Variants in ERMP1 observed in about 807,000 individuals in gnomAD.
ERMP1 encodes the protein Felix-ina.
In ERMP1, 86 loss-of-function variants were observed where a neutral mutation model predicts 92.0. The observed-to-expected ratio is 0.93, with a 90% CI of 0.79 to 1.12. The LOEUF (loss-of-function observed/expected upper bound fraction) is 1.12, where lower values mean the gene tolerates loss of function less well. Among genes scored for constraint, ERMP1 ranks in the 50% most tolerant of loss-of-function variants. ERMP1 has a pLI of 0.00. For missense variants in ERMP1, 1,342 were observed against 1,116.3 expected, an observed-to-expected ratio of 1.20 and a Z score of -2.88; for synonymous variants, 530 against 412.8, an observed-to-expected ratio of 1.28 and a Z score of -3.44.
At chr9:5,829,551 T>C (rs1386455978) in intron 2 of ERMP1, among the ~76,000 whole-genome samples, 1 of 152,248 alleles carries the variant, frequency 6.6e-6, no homozygotes, top group East Asian at 1.9e-4. Flanking sequence ...TTTACTTATT[T>C]TTAATCCTCC....
intron 6 of ERMP1, among the ~76,000 whole-genome samples, chr9:5,852,754 C>T (rs547250321): frequency 6.6e-6 from 1 of 151,658 alleles, no homozygotes; most frequent in African/African-American, 2.4e-5. Flanking sequence ...TAATAAGCTG[C>T]CTCAAACATG....
At chr9:5,821,191 A>G (rs1247699076) in intron 4 of ERMP1, among the ~76,000 whole-genome samples, 6 of 152,256 alleles carry the variant, frequency 3.9e-5, no homozygotes, top group African/African-American at 1.4e-4. Flanking sequence ...AAGTGATCAT[A>G]TACATTGCAA....
intron 10 of ERMP1, among the ~76,000 whole-genome samples, chr9:5,801,602 A>C (rs749852814): frequency 7.2e-5 from 11 of 152,214 alleles, no homozygotes; most frequent in Admixed American, 1.3e-4. Context: ...GGAAAAAGGA[A>C]ACTCAGGACT....
At position 5,832,834 on chromosome 9, in the gene ERMP1, C is replaced by T. The variant is rs1299114366; in HGVS notation, c.194G>A (p.Gly65Glu). 1.3e-6 allele frequency: 2 copies of T among 1,502,036 alleles called. No homozygotes were observed. The highest frequency in any genetic ancestry group is 1.4e-5 in the African/African-American group (1 of 68,984). 93.0% of individuals were successfully genotyped at this position (1,502,036 alleles called of 1,614,324 possible). A position where few individuals can be genotyped will look rare whatever the true frequency, so the allele number is the denominator to read the frequency against. The change falls in exon 1 of 15, where the codon GGG becomes GAG. Residue 65 changes from glycine (G) to glutamate (E), a missense_variant. By Grantham distance (98) the Gly-to-Glu change is moderately conservative. Transcript: ENST00000339450. Reference protein sequence around the residue: ...GGSGGASRGAGTGLSEVRAAL... With the variant: ...GGSGGASRGAETGLSEVRAAL... Reference sequence around the variant, plus strand: ...GGCGCGCACCTCAGACAGCCCGGTCCCCGCGCCCCTGCTCGCGCCGCCGCT... The same window carrying T: ...GGCGCGCACCTCAGACAGCCCGGTCTCCGCGCCCCTGCTCGCGCCGCCGCT...
intron 11 of ERMP1, among the ~76,000 whole-genome samples, chr9:5,799,320 C>T (rs935811142): frequency 3.1e-4 from 47 of 152,130 alleles, no homozygotes; most frequent in African/African-American, 1.0e-3. Context: ...AAAACAAATA[C>T]ATCCTAAGCA....
intron 5 of ERMP1, 65 bp from the exon 6 acceptor site, chr9:5,812,282 A>G (rs1318873352): frequency 2.2e-6 from 2 of 908,396 alleles, no homozygotes; most frequent in Non-Finnish European, 3.4e-6. Flanking sequence ...CTTTCGACCT[A>G]TTTCTTTAAT....
intron 10 of ERMP1, among the ~76,000 whole-genome samples, chr9:5,804,188 G>T (rs1324224942): frequency 6.6e-6 from 1 of 152,022 alleles, no homozygotes; most frequent in Non-Finnish European, 1.5e-5. Context: ...CAAATTTCAA[G>T]GTGCACCTCT....
chr9:5,804,663 T>A (rs1299702725), intron 10 of ERMP1, among the ~76,000 whole-genome samples: 2 of 152,172 alleles, frequency 1.3e-5, no homozygotes, highest in Admixed American at 1.3e-4. Context: ...AACATGTGCC[T>A]CTAATTAGTA....
rs555642028 is a variant in ERMP1, at chr9:5,858,190, G to A, written n.3199+1278C>T. On this transcript the variant is annotated intron_variant and non_coding_transcript_variant, in intron 6 of 6. Transcript: ENST00000690753. ...AAGAGCTTTCTGGAGGCAAGAAAGA[G>A]TATGGTTTGAAGGGCTCTGAGTCAG... Among the ~76,000 whole-genome samples the A allele has an allele frequency of 4.6e-5, 7 of 152,336 alleles. No homozygotes were observed. In the South Asian group the frequency reaches 1.5e-3, roughly 32 times the overall value.
intron 2 of ERMP1, 108 bp downstream of exon 2, chr9:5,830,619 G>C: frequency 1.3e-6 from 1 of 754,624 alleles, no homozygotes; most frequent in Non-Finnish European, 2.1e-6. Flanking sequence ...AAAGAAAAAA[G>C]GTTTGCCCAA....
intron 8 of ERMP1, among the ~76,000 whole-genome samples, chr9:5,808,254 G>A (rs1030364174): frequency 2.6e-5 from 4 of 152,208 alleles, no homozygotes; most frequent in African/African-American, 9.6e-5. Context: ...ACTGAAATTA[G>A]TAAAAGTACA....
chr9:5,812,043 G>T, intron 6 of ERMP1, 82 bp downstream of exon 6: 2 of 872,240 alleles, frequency 2.3e-6, no homozygotes, highest in Non-Finnish European at 3.7e-6. Flanking sequence ...TAATGCACAG[G>T]CCACAGAATA....
rs1456197084 is a variant in ERMP1, at chr9:5,830,726, C to A, written c.640+1G>T. ...CAAATGACTAAAAAACAGGTACATA[C>A]CTGGTGAGTTTGCTACTGAGTCAAA... is the stretch of plus-strand genomic sequence containing the variant. On this transcript the variant is annotated splice_donor_variant, in intron 2 of 14. Transcript: ENST00000339450. LOFTEE classifies it high-confidence loss of function. The A allele has an allele frequency of 6.2e-7, 1 of 1,608,962 alleles. No individual in the cohort carries two copies. The highest frequency in any genetic ancestry group is 1.3e-5 in the African/African-American group (1 of 74,624).
At chr9:5,857,194 G>A (rs1830386326) in intron 6 of ERMP1, among the ~76,000 whole-genome samples, 4 of 151,968 alleles carry the variant, frequency 2.6e-5, no homozygotes, top group Admixed American at 2.6e-4. Flanking sequence ...GCTAATTTTT[G>A]TATTTTTTGT....
chr9:5,814,870 G>C (rs1470068473), intron 4 of ERMP1, among the ~76,000 whole-genome samples: 1 of 152,152 alleles, frequency 6.6e-6, no homozygotes, highest in Admixed American at 6.5e-5. Context: ...AAAAAACACA[G>C]ATATCAGTAA....
upstream of ERMP1, among the ~76,000 whole-genome samples, chr9:5,835,735 A>G (rs1830089529): frequency 6.6e-6 from 1 of 152,208 alleles, no homozygotes; most frequent in South Asian, 2.1e-4. Flanking sequence ...GTGAAAGGTC[A>G]TGCTTTAGGT....
At chr9:5,863,409 C>T (rs1261165192) in intron 5 of ERMP1, among the ~76,000 whole-genome samples, 3 of 152,182 alleles carry the variant, frequency 2.0e-5, no homozygotes, top group Non-Finnish European at 2.9e-5. Flanking sequence ...TTTCCCATTA[C>T]TCCTTGCATC....
intron 12 of ERMP1, among the ~76,000 whole-genome samples, chr9:5,798,237 A>G (rs189617730): frequency 1.3e-5 from 2 of 151,786 alleles, no homozygotes; most frequent in East Asian, 3.9e-4. Context: ...TCTTTGAGAG[A>G]CAGAGTTTTG....
chr9:5,796,425 G>A (rs546009435), intron 13 of ERMP1, among the ~76,000 whole-genome samples: 1 of 152,288 alleles, frequency 6.6e-6, no homozygotes, highest in East Asian at 1.9e-4. Flanking sequence ...ATAATATCCA[G>A]CAATCACACT....
Sources: allele counts gnomAD v4.1 joint callset (sites outside exome capture counted in the v4.1 genomes callset), GRCh38; gene constraint gnomAD v4.1.1; transcripts MANE v1.5; gene names NCBI Gene and HGNC (gene_info 2026-07-23, HGNC 2026-07-21).